The following OTOGL variants were observed in gnomAD, a reference collection of about 807,000 sequenced individuals.
The protein encoded by OTOGL is otogelin like.
In OTOGL, 285 loss-of-function variants were observed where a neutral mutation model predicts 318.5. That is an observed-to-expected ratio of 0.89 (90% CI 0.81 to 0.99). The LOEUF is 0.99. OTOGL is among the 50% of genes least tolerant of loss of function. The pLI, the probability that OTOGL is intolerant of heterozygous loss-of-function variation, is 0.00. For synonymous variants in OTOGL, 987 were observed against 936.5 expected, an observed-to-expected ratio of 1.05 and a Z score of -0.99; for missense variants, 2,899 against 2,845.6, an observed-to-expected ratio of 1.02 and a Z score of -0.43.
rs1889936651 is a variant in OTOGL, at chr12:80,356,847, A to G, written c.5952A>G (p.Glu1984=). The change falls in exon 49 of 59, where the codon GAA becomes GAG. Residue 1984 remains glutamate (E), a synonymous_variant. Coordinates refer to ENST00000547103, the MANE Select transcript of OTOGL (RefSeq NM_001378609.3). ...AATGCCCCAGTATTTCAACACCAGA[A>G]TGCAGAGAAGATCAATTCATGATTC... ...PLKCPSISTP[E]CREDQFMIQV... 8 of 1,598,592 alleles carry G rather than the reference A, an allele frequency of 5.0e-6. No homozygotes were observed. Among genetic ancestry groups the G allele is most frequent in the Non-Finnish European group, 6.8e-6 (8 of 1,172,778 alleles).
chr12:80,201,597 C>T (rs1043522147), intron 1 of OTOGL, among the ~76,000 whole-genome samples: 7 of 152,114 alleles, frequency 4.6e-5, no homozygotes, highest in Non-Finnish European at 1.5e-5. Flanking sequence ...GACAAACATC[C>T]AAACCCCATT....
chr12:80,126,251 GT>G (rs1870830389), intron 1 of OTOGL, among the ~76,000 whole-genome samples: 1 of 152,018 alleles, frequency 6.6e-6, no homozygotes, highest in Non-Finnish European at 1.5e-5. Flanking sequence ...CTTTGTTCTC[GT>G]TGGTTTCAAA....
At chr12:80,240,816 G>T (rs12306709) in intron 11 of OTOGL, among the ~76,000 whole-genome samples, 1 of 151,992 alleles carries the variant, frequency 6.6e-6, no homozygotes, top group Non-Finnish European at 1.5e-5. Flanking sequence ...AACAAATTTA[G>T]TGAGACTCAT....
At chr12:80,249,494 G>A (rs1300066598) in intron 11 of OTOGL, among the ~76,000 whole-genome samples, 1 of 151,610 alleles carries the variant, frequency 6.6e-6, no homozygotes, top group Non-Finnish European at 1.5e-5. Context: ...AGGGGTCAGG[G>A]ACCCACTTGA....
intron 1 of OTOGL, among the ~76,000 whole-genome samples, chr12:80,202,341 GC>G (rs1876516570): frequency 6.7e-6 from 1 of 149,290 alleles, no homozygotes; most frequent in Admixed American, 6.7e-5. Context: ...TGTGATCTCA[GC>G]TCACTGCAAC....
chr12:80,208,108 T>A (rs1409537201), intron 1 of OTOGL: 1 of 461,334 alleles, frequency 2.2e-6, no homozygotes, highest in Non-Finnish European at 4.4e-6. Flanking sequence ...AACTACTTTA[T>A]AATTTTAGTG....
intron 18 of OTOGL, among the ~76,000 whole-genome samples, chr12:80,260,655 TATA>T (rs1456561079): frequency 2.0e-5 from 3 of 152,196 alleles, no homozygotes; most frequent in African/African-American, 7.2e-5. Flanking sequence ...TATGCCTTAT[TATA>T]ATAAGTTGAC....
At chr12:80,335,939 C>A in intron 38 of OTOGL, 24 bp from the exon 39 acceptor site, 11 of 1,483,270 alleles carry the variant, frequency 7.4e-6, no homozygotes, top group South Asian at 2.8e-5. Flanking sequence ...ATGAAAAAAC[C>A]CACTAATCTT....
intron 26 of OTOGL, among the ~76,000 whole-genome samples, chr12:80,287,402 G>A (rs1330776365): frequency 1.3e-5 from 2 of 151,750 alleles, no homozygotes; most frequent in African/African-American, 2.4e-5. Flanking sequence ...TTCTGTAAGT[G>A]TCTATTAGGT....
intron 1 of OTOGL, among the ~76,000 whole-genome samples, chr12:80,112,479 T>G (rs965674751): frequency 2.1e-4 from 32 of 152,322 alleles, no homozygotes; most frequent in Middle Eastern, 3.4e-3. Flanking sequence ...ATTGAAGGCC[T>G]TTTCTGCATC....
chr12:80,364,753 C>T lies in OTOGL; in HGVS notation c.6268-1821C>T, dbSNP rs991955179. 2.6e-5 allele frequency among the ~76,000 whole-genome samples: 4 copies of T among 152,106 alleles called. No homozygotes were observed. In the East Asian group the frequency reaches 7.7e-4, roughly 29 times the overall value. On this transcript the variant is annotated intron_variant, in intron 52 of 58. Transcript: ENST00000547103. ...TTGCTGCATGTGTCACTACTTCAGT[C>T]CTTTGTTGTTAATAATATTCCATTG... is the stretch of plus-strand genomic sequence containing the variant.
At chr12:80,125,432 C>G (rs985531456) in intron 1 of OTOGL, among the ~76,000 whole-genome samples, 1 of 152,106 alleles carries the variant, frequency 6.6e-6, no homozygotes, top group African/African-American at 2.4e-5. Flanking sequence ...CTGCTGGATT[C>G]AGTTTGCCAG....
chr12:80,329,682 T>A (rs1229563646), intron 37 of OTOGL, among the ~76,000 whole-genome samples: 1 of 152,210 alleles, frequency 6.6e-6, no homozygotes, highest in Admixed American at 6.5e-5. Flanking sequence ...AAGGATTTAA[T>A]AAATCCACTC....
chr12:80,375,989 A>G lies in OTOGL; in HGVS notation c.6782-1134A>G, dbSNP rs182167715. On this transcript the variant is annotated intron_variant, in intron 57 of 58. Coordinates refer to ENST00000547103, the MANE Select transcript of OTOGL (RefSeq NM_001378609.3). ...AAAACCAAACCAGGTGAGCTCAGGAAGCCAAGTATGGAGGGTGCATTAAAG... is the reference window on the plus strand; with the variant it reads ...AAAACCAAACCAGGTGAGCTCAGGAGGCCAAGTATGGAGGGTGCATTAAAG... Among the ~76,000 whole-genome samples, 201 of 152,210 alleles carry G rather than the reference A, an allele frequency of 1.3e-3. 1 individual carries two copies. Among genetic ancestry groups the G allele is most frequent in the African/African-American group, 4.4e-3 (181 of 41,534 alleles).
intron 47 of OTOGL, 30 bp from the exon 48 acceptor site, chr12:80,356,386 T>C (rs1186599042): frequency 1.9e-6 from 3 of 1,548,144 alleles, no homozygotes; most frequent in Non-Finnish European, 2.7e-6. Context: ...TTGTGTTCAC[T>C]AATATTTTAA....
intron 44 of OTOGL, among the ~76,000 whole-genome samples, chr12:80,345,286 A>T (rs1889123938): frequency 6.7e-6 from 1 of 148,832 alleles, no homozygotes; most frequent in African/African-American, 2.5e-5. Context: ...GATGTCATCC[A>T]GTACAGTGGC....
intron 11 of OTOGL, among the ~76,000 whole-genome samples, chr12:80,244,935 T>G (rs1374647403): frequency 2.6e-4 from 39 of 148,488 alleles, no homozygotes; most frequent in Non-Finnish European, 4.7e-4. Context: ...GAGCATTTTT[T>G]CATGTGTTTT....
intron 26 of OTOGL, among the ~76,000 whole-genome samples, chr12:80,284,535 C>A (rs992113962): frequency 6.6e-6 from 1 of 152,138 alleles, no homozygotes; most frequent in Non-Finnish European, 1.5e-5. Context: ...TCCTCTCCAG[C>A]ATCTGTTGTT....
intron 1 of OTOGL, among the ~76,000 whole-genome samples, chr12:80,192,997 A>G (rs1875802873): frequency 6.6e-6 from 1 of 151,994 alleles, no homozygotes; most frequent in South Asian, 2.1e-4. Context: ...TACTAAAAAA[A>G]AAACCGAATC....
Sources: allele counts gnomAD v4.1 joint callset (sites outside exome capture counted in the v4.1 genomes callset), GRCh38; gene constraint gnomAD v4.1.1; transcripts MANE v1.5; gene names NCBI Gene and HGNC (gene_info 2026-07-23, HGNC 2026-07-21).